ANXA13: variants seen among roughly 807,000 people sequenced by gnomAD.
The protein encoded by ANXA13 is annexin XIII.
ANXA13 carries 36 observed loss-of-function variants against 46.6 expected under a neutral mutation model. The observed-to-expected ratio is 0.77, with a 90% CI of 0.59 to 1.02. The LOEUF is 1.02. Ranked by LOEUF, ANXA13 falls within the 50% of genes least tolerant of loss-of-function variation. The probability of loss-of-function intolerance (pLI) is 0.00; values close to 1 mark genes in which losing one functional copy is unlikely to be tolerated. For missense variants in ANXA13, 417 were observed against 396.5 expected (o/e 1.05, Z -0.44); for synonymous variants, 163 against 152.9 (o/e 1.07, Z -0.49).
intron 1 of ANXA13, among the ~76,000 whole-genome samples, chr8:123,714,938 C>A (rs1319759586): frequency 6.6e-6 from 1 of 152,224 alleles, no homozygotes; most frequent in Non-Finnish European, 1.5e-5. Context: ...AGGACTGAAC[C>A]CAGCTCAATT....
chr8:123,681,459 G>T, intron 10 of ANXA13, 100 bp from the exon 11 acceptor site: 2 of 1,193,036 alleles, frequency 1.7e-6, no homozygotes, highest in Non-Finnish European at 2.3e-6. Context: ...GCTCATTCAT[G>T]CCTTAAAACA....
intron 1 of ANXA13, among the ~76,000 whole-genome samples, chr8:123,736,212 A>G (rs1814264329): frequency 6.6e-6 from 1 of 152,224 alleles, no homozygotes; most frequent in African/African-American, 2.4e-5. Context: ...AACCTTATAG[A>G]CAAAGTAACA....
chr8:123,712,558 C>T (rs746331826), intron 2 of ANXA13, 120 bp downstream of exon 2: 32 of 867,654 alleles, frequency 3.7e-5, no homozygotes, highest in African/African-American at 1.2e-4. Flanking sequence ...GATTGACTTG[C>T]GTTAGCTCGG....
chr8:123,695,763 G>A (rs778948876), intron 4 of ANXA13, 42 bp from the exon 5 acceptor site: 1 of 1,538,790 alleles, frequency 6.5e-7, no homozygotes, highest in East Asian at 2.2e-5. Context: ...TTCCAAGGAG[G>A]GATTAATCAA....
In ANXA13 at chr8:123,690,378, T is replaced by C. The variant is rs945128524; in HGVS notation, c.643-1432A>G. On this transcript the variant is annotated intron_variant, in intron 8 of 10. Coordinates refer to ENST00000419625, the MANE Select transcript of ANXA13 (RefSeq NM_004306.4). This position sits in a 1 kb window ranked among gnomAD's most constrained non-coding sequence, Gnocchi z 4.6. Reference sequence around the variant, plus strand: ...TGCTGGGAGGCGGGAGGTGGGCTCCTTTCCCTTGCCATTGGCATCTATACC... The same window carrying C: ...TGCTGGGAGGCGGGAGGTGGGCTCCCTTCCCTTGCCATTGGCATCTATACC... 7.2e-5 allele frequency among the ~76,000 whole-genome samples: 11 copies of C among 152,224 alleles called. No homozygotes were observed. The highest frequency in any genetic ancestry group is 1.6e-4 in the Non-Finnish European group (11 of 68,034).
chr8:123,735,904 A>G (rs751328905), intron 1 of ANXA13: 27 of 1,574,090 alleles, frequency 1.7e-5, no homozygotes, highest in Non-Finnish European at 2.2e-5. Flanking sequence ...AATACATAAA[A>G]ATGCTGGTCC....
intron 1 of ANXA13, among the ~76,000 whole-genome samples, chr8:123,731,726 T>G (rs1001508991): frequency 2.0e-5 from 3 of 152,042 alleles, no homozygotes; most frequent in East Asian, 3.9e-4. Flanking sequence ...AATTAAAAAG[T>G]AGCTGGGCGT....
intron 4 of ANXA13, among the ~76,000 whole-genome samples, chr8:123,696,012 C>T (rs557599955): frequency 6.6e-6 from 1 of 151,696 alleles, no homozygotes; most frequent in East Asian, 1.9e-4. Flanking sequence ...AGGCTAACAC[C>T]TTCTTTCACC....
chr8:123,721,738 T>C (rs1378835705), intron 1 of ANXA13, among the ~76,000 whole-genome samples: 1 of 152,192 alleles, frequency 6.6e-6, no homozygotes, highest in Non-Finnish European at 1.5e-5. Context: ...AAACTCAAAA[T>C]TGAGAATGAC....
In ANXA13 at chr8:123,696,874, G is replaced by A. The variant is rs899473416; in HGVS notation, c.358-1153C>T. Among the ~76,000 whole-genome samples, 5 of 152,192 alleles carry A rather than the reference G, an allele frequency of 3.3e-5. 1 individual carries two copies. Among genetic ancestry groups the A allele is most frequent in the Admixed American group, 2.6e-4 (4 of 15,278 alleles). On this transcript the variant is annotated intron_variant, in intron 4 of 10. Coordinates refer to ENST00000419625, the MANE Select transcript of ANXA13 (RefSeq NM_004306.4). ...GGAACTTAAAGAAACTAGGCTGAGG[G>A]AGAAAAAGCTATGATCACATGAGAT...
intron 2 of ANXA13, among the ~76,000 whole-genome samples, chr8:123,707,867 A>G (rs1216285193): frequency 6.6e-6 from 1 of 152,166 alleles, no homozygotes; most frequent in Non-Finnish European, 1.5e-5. Flanking sequence ...AAACCTAATA[A>G]AAATCTATGA....
At chr8:123,716,795 G>A (rs1211425798) in intron 1 of ANXA13, among the ~76,000 whole-genome samples, 1 of 152,154 alleles carries the variant, frequency 6.6e-6, no homozygotes, top group African/African-American at 2.4e-5. Flanking sequence ...ATAGACAGCT[G>A]ACGATGGGCC....
At chr8:123,724,354 CAA>C (rs764689042) in intron 1 of ANXA13, among the ~76,000 whole-genome samples, 10 of 152,272 alleles carry the variant, frequency 6.6e-5, no homozygotes, top group Non-Finnish European at 1.5e-4. Context: ...GGATTGCACT[CAA>C]AATCATTTGG....
Position 123,680,926 on chromosome 8 carries a change from A to G in ANXA13, c.*314T>C. 3.9e-6 allele frequency: 1 copy of G among 253,728 alleles called. No individual in the cohort carries two copies. 15.7% of individuals were successfully genotyped at this position (253,728 alleles called of 1,614,324 possible). ...TGATGCATATCCTTCTAAATGTGCC[A>G]TTACAAATGCATAGTTTTTTCATCA... On this transcript the variant is annotated 3_prime_UTR_variant, in exon 11 of 11. Coordinates refer to ENST00000419625, the MANE Select transcript of ANXA13 (RefSeq NM_004306.4).
intron 1 of ANXA13, among the ~76,000 whole-genome samples, chr8:123,718,793 C>A (rs183667234): frequency 2.3e-3 from 349 of 152,294 alleles, no homozygotes; most frequent in South Asian, 8.9e-3. Context: ...AGCGGTGTCA[C>A]CTTGGCAGAA....
chr8:123,733,720 C>A (rs1347950389), intron 1 of ANXA13, among the ~76,000 whole-genome samples: 1 of 152,210 alleles, frequency 6.6e-6, no homozygotes, highest in South Asian at 2.1e-4. Flanking sequence ...TAGCCATATT[C>A]TACAGTCCAG....
intron 9 of ANXA13, among the ~76,000 whole-genome samples, chr8:123,687,281 GA>G (rs1450814226): frequency 6.6e-6 from 1 of 152,190 alleles, no homozygotes; most frequent in Non-Finnish European, 1.5e-5. Context: ...TACAGCCTCA[GA>G]ACCAGGCTGT....
chr8:123,717,245 A>T (rs1813773420), intron 1 of ANXA13, among the ~76,000 whole-genome samples: 1 of 152,216 alleles, frequency 6.6e-6, no homozygotes, highest in South Asian at 2.1e-4. Flanking sequence ...AAATGGGAGC[A>T]GTCTCTGTGT....
chr8:123,694,328 T>G (rs1813293499), intron 6 of ANXA13, among the ~76,000 whole-genome samples: 2 of 152,222 alleles, frequency 1.3e-5, no homozygotes, highest in African/African-American at 4.8e-5. Flanking sequence ...GCAGATATAA[T>G]TCAGGTCTCC....
Sources: allele counts gnomAD v4.1 joint callset (sites outside exome capture counted in the v4.1 genomes callset), GRCh38; gene constraint gnomAD v4.1.1; non-coding constraint Gnocchi (gnomAD v3.1); transcripts MANE v1.5; gene names NCBI Gene and HGNC (gene_info 2026-07-23, HGNC 2026-07-21).